AVL9: variants seen among roughly 807,000 people sequenced by gnomAD.
The protein encoded by AVL9 is late secretory pathway protein AVL9 homolog.
A neutral mutation model predicts 79.2 loss-of-function variants in AVL9; 49 were observed. The ratio of observed to expected loss-of-function variants is 0.62; its 90% CI spans 0.49 to 0.79. The LOEUF (loss-of-function observed/expected upper bound fraction) is 0.79, where lower values mean the gene tolerates loss of function less well. Ranked by LOEUF, AVL9 falls within the 30% of genes least tolerant of loss-of-function variation. The pLI is 0.00. For synonymous variants in AVL9, 299 were observed against 280.6 expected, an observed-to-expected ratio of 1.07 and a Z score of -0.65; for missense variants, 682 against 776.8, an observed-to-expected ratio of 0.88 and a Z score of 1.45.
In AVL9 at chr7:32,544,739, C is replaced by T. The variant is rs955144796; in HGVS notation, c.260C>T (p.Thr87Ile). ...HLPPRNGNGA[T>I]VFGISCYRQI... ...CCACCCAGAAATGGAAATGGAGCCA[C>T]AGTATTTGGTATCTCTTGCTATCGA... The change falls in exon 3 of 16, where the codon ACA (threonine) becomes ATA (isoleucine). Residue 87 changes from threonine to isoleucine, a missense_variant. Transcript: ENST00000318709. 3.1e-6 allele frequency: 5 copies of T among 1,613,738 alleles called. No homozygotes were observed. Among genetic ancestry groups the T allele is most frequent in the Admixed American group, 3.3e-5 (2 of 59,992 alleles).
Position 32,580,236 on chromosome 7 carries a change from A to AAT in AVL9, c.1708_1709dup (p.Ser571ThrfsTer6). 1 of 1,612,882 alleles carries AAT rather than the reference A, an allele frequency of 6.2e-7. No individual in the cohort carries two copies. The highest frequency in any genetic ancestry group is 8.5e-7 in the Non-Finnish European group (1 of 1,179,490). On this transcript the variant is annotated frameshift_variant, in exon 14 of 16. Transcript: ENST00000318709. LOFTEE classifies it high-confidence loss of function. ...TTTTACAGCCATCCATTTCAAGGCC[A>AAT]ATACTCAGTATCAGACATGAAGTTA...
At chr7:32,501,913 A>T (rs1220382231) in intron 1 of AVL9, among the ~76,000 whole-genome samples, 1 of 152,192 alleles carries the variant, frequency 6.6e-6, no homozygotes, top group African/African-American at 2.4e-5. Flanking sequence ...AGAAGAGCCT[A>T]CTTACCTACT....
Position 32,566,807 on chromosome 7 carries a change from C to T in AVL9, c.1216-3213C>T, listed in dbSNP as rs138436775. Among the ~76,000 whole-genome samples the T allele has an allele frequency of 7.3e-3, 1,113 of 152,218 alleles. 11 individuals carry two copies. Among genetic ancestry groups the T allele is most frequent in the African/African-American group, 0.025 (1,059 of 41,542 alleles). ...CTGAGGCAGGAGAGTGGCATGAACCCGGGAGGCGGAGCTTGCAGTGAACCG... is the reference window on the plus strand; with the variant it reads ...CTGAGGCAGGAGAGTGGCATGAACCTGGGAGGCGGAGCTTGCAGTGAACCG... On this transcript the variant is annotated intron_variant, in intron 10 of 15. Transcript: ENST00000318709.
At chr7:32,538,342 C>T (rs1441249532) in intron 1 of AVL9, 1 of 152,068 alleles carries the variant, frequency 6.6e-6, no homozygotes, top group Non-Finnish European at 1.5e-5. Context: ...TATTTTTAAT[C>T]CTAAAAGCAA....
At chr7:32,508,630 T>C (rs558697851) in intron 1 of AVL9, among the ~76,000 whole-genome samples, 1 of 152,358 alleles carries the variant, frequency 6.6e-6, no homozygotes, top group African/African-American at 2.4e-5. Flanking sequence ...CATTATATCT[T>C]ATGTTCCACC....
chr7:32,573,111 T>G (rs775751481), intron 11 of AVL9, 88 bp from the exon 12 acceptor site: 109 of 1,008,864 alleles, frequency 1.1e-4, no homozygotes, highest in Non-Finnish European at 1.5e-4. Context: ...TATTTCCAGC[T>G]CCACCTTCCC....
At chr7:32,511,513 G>A (rs1354753274) in intron 1 of AVL9, among the ~76,000 whole-genome samples, 3 of 152,052 alleles carry the variant, frequency 2.0e-5, no homozygotes, top group African/African-American at 7.2e-5. Context: ...ACTAGGTTGT[G>A]GGGATTAGAG....
At chr7:32,583,201 T>G (rs1235402387) in intron 15 of AVL9, among the ~76,000 whole-genome samples, 2 of 152,226 alleles carry the variant, frequency 1.3e-5, no homozygotes, top group African/African-American at 2.4e-5. Context: ...CTAATAATTC[T>G]GATACATAGC....
intron 1 of AVL9, among the ~76,000 whole-genome samples, chr7:32,503,367 TATATATACACACACACACAC>T (rs1787250132): frequency 1.1e-5 from 1 of 88,300 alleles, no homozygotes; most frequent in Non-Finnish European, 2.2e-5. Flanking sequence ...GAGAGATATA[TATATATACACACACACACAC>T]ACACACACAC....
At chr7:32,548,962 C>T in intron 4 of AVL9, 44 bp downstream of exon 4, 1 of 1,306,570 alleles carries the variant, frequency 7.7e-7, no homozygotes, top group Non-Finnish European at 1.0e-6. Context: ...ACCTTCATGG[C>T]AGATCTTTCT....
intron 8 of AVL9, among the ~76,000 whole-genome samples, chr7:32,556,400 G>A (rs762554289): frequency 3.3e-4 from 50 of 151,982 alleles, no homozygotes; most frequent in Non-Finnish European, 6.5e-4. Flanking sequence ...TGTAGTCCCA[G>A]CTACTCAGGA....
chr7:32,516,979 C>G (rs565916849), intron 1 of AVL9, among the ~76,000 whole-genome samples: 11 of 152,278 alleles, frequency 7.2e-5, no homozygotes, highest in African/African-American at 2.6e-4. Flanking sequence ...TTATCTATCT[C>G]TTTCTTTTCT....
At chr7:32,519,326 G>A (rs1012528229) in intron 1 of AVL9, among the ~76,000 whole-genome samples, 2 of 151,962 alleles carry the variant, frequency 1.3e-5, no homozygotes, top group African/African-American at 2.4e-5. Context: ...TACTCAGGAG[G>A]CTGAGGCAGG....
intron 11 of AVL9, among the ~76,000 whole-genome samples, chr7:32,571,550 T>A (rs900365785): frequency 6.6e-6 from 1 of 151,726 alleles, no homozygotes; most frequent in South Asian, 2.1e-4. Context: ...AGAAAAAAAA[T>A]TCACCCACAC....
chr7:32,558,488 CTT>C, intron 8 of AVL9, 69 bp from the exon 9 acceptor site: 1 of 1,228,014 alleles, frequency 8.1e-7, no homozygotes, highest in Non-Finnish European at 1.2e-6. Flanking sequence ...ATTTTTCCCT[CTT>C]TTTTATTTGT....
rs1212342938 is a variant in AVL9, at chr7:32,495,552, G to A, written c.-158G>A. 4.7e-6 allele frequency: 2 copies of A among 423,008 alleles called. No individual in the cohort carries two copies. The highest frequency in any genetic ancestry group is 8.3e-6 in the Non-Finnish European group (2 of 241,458). 26.2% of individuals were successfully genotyped at this position (423,008 alleles called of 1,614,324 possible). ...GGGAAGGGCGGCCGTGGCCCTGGGG[G>A]CGGCGGGAGCTGCTTTGCCTCCACC... On this transcript the variant is annotated 5_prime_UTR_variant, in exon 1 of 16. Coordinates refer to ENST00000318709, the MANE Select transcript of AVL9 (RefSeq NM_015060.3).
intron 1 of AVL9, among the ~76,000 whole-genome samples, chr7:32,521,115 C>G (rs1453034075): frequency 6.6e-6 from 1 of 152,010 alleles, no homozygotes; most frequent in Non-Finnish European, 1.5e-5. Flanking sequence ...TTTTTTTCTT[C>G]CCAGTCTCGG....
At chr7:32,530,944 G>C (rs1177327533) in intron 1 of AVL9, among the ~76,000 whole-genome samples, 8 of 151,920 alleles carry the variant, frequency 5.3e-5, no homozygotes, top group Non-Finnish European at 8.8e-5. Context: ...TGACAGAGCA[G>C]GACTCCACCT....
chr7:32,495,832 C>T (rs1272519493), intron 1 of AVL9, 30 bp downstream of exon 1: 2 of 1,247,282 alleles, frequency 1.6e-6, no homozygotes, highest in South Asian at 7.4e-5. Context: ...CCGCCCCCAG[C>T]CGTTCGGGCG....
Sources: allele counts gnomAD v4.1 joint callset (sites outside exome capture counted in the v4.1 genomes callset), GRCh38; gene constraint gnomAD v4.1.1; transcripts MANE v1.5; gene names NCBI Gene and HGNC (gene_info 2026-07-23, HGNC 2026-07-21).